Variants in DNAI3 observed in about 807,000 individuals in gnomAD.
DNAI3 encodes the protein WD repeat domain 63.
Under a neutral mutation model 115.5 loss-of-function variants are expected in DNAI3, and 83 were observed. That is an observed-to-expected ratio of 0.72 (90% CI 0.60 to 0.86). The LOEUF is 0.86. Ranked by LOEUF, DNAI3 falls within the 40% of genes least tolerant of loss-of-function variation. The probability of loss-of-function intolerance (pLI) is 0.00; values close to 1 mark genes in which losing one functional copy is unlikely to be tolerated. For synonymous variants in DNAI3, 320 were observed against 347.0 expected, an observed-to-expected ratio of 0.92 and a Z score of 0.86; for missense variants, 1,004 against 1,075.8, an observed-to-expected ratio of 0.93 and a Z score of 0.93.
chr1:85,108,350 GTTTTA>G (rs1167367065), intron 15 of DNAI3, among the ~76,000 whole-genome samples, 173 bp downstream of exon 15: 1 of 152,002 alleles, frequency 6.6e-6, no homozygotes, highest in Non-Finnish European at 1.5e-5. Flanking sequence ...AGGATTTTTA[GTTTTA>G]TTTTATTTTT....
intron 13 of DNAI3, among the ~76,000 whole-genome samples, chr1:85,103,888 AAATAAT>A (rs71075819): frequency 0.16 from 21,770 of 140,268 alleles, 1,819 homozygotes; most frequent in East Asian, 0.26. Context: ...TGCCTTCTCA[AAATAAT>A]AATAATAATA....
intron 19 of DNAI3, among the ~76,000 whole-genome samples, chr1:85,124,843 T>C (rs1557727468): frequency 6.6e-6 from 1 of 152,244 alleles, no homozygotes; most frequent in East Asian, 1.9e-4. Context: ...TGACTTGCAT[T>C]TTTCCTCCCT....
chr1:85,092,478 A>G lies in DNAI3; in HGVS notation c.858-980A>G, dbSNP rs550974608. Among the ~76,000 whole-genome samples the G allele has an allele frequency of 2.0e-5, 3 of 152,296 alleles. No individual in the cohort carries two copies. In the East Asian group the frequency reaches 5.8e-4, roughly 29 times the overall value. ...AACCAAGAAGTTTACAGTTTTGATC[A>G]GTAGGGTAAAACCTTGGGTGGCATT... is the stretch of plus-strand genomic sequence containing the variant. On this transcript the variant is annotated intron_variant, in intron 8 of 22. Coordinates refer to ENST00000294664, the MANE Select transcript of DNAI3 (RefSeq NM_145172.5).
intron 2 of DNAI3, 82 bp from the exon 3 acceptor site, chr1:85,072,972 A>AAAAAG (rs1553165209): frequency 9.9e-5 from 50 of 506,440 alleles, no homozygotes; most frequent in Admixed American, 1.3e-4. Context: ...AAAAAAAAAA[A>AAAAAG]AAGAAGAAAT....
In DNAI3 at chr1:85,070,099, A is replaced by G. The variant is rs183616782; in HGVS notation, c.-14-1829A>G. On this transcript the variant is annotated intron_variant, in intron 1 of 22. Coordinates refer to ENST00000294664, the MANE Select transcript of DNAI3 (RefSeq NM_145172.5). ...AATATGGTGAAGCCCCGTCTCTACT[A>G]AAAATACAAAAATTAGCCGGGCGTG... Among the ~76,000 whole-genome samples the G allele has an allele frequency of 2.2e-4, 33 of 152,168 alleles. No individual in the cohort carries two copies. The East Asian group carries it at 6.0e-3, about 28-fold the overall frequency.
Position 85,133,117 on chromosome 1 carries a change from C to T in DNAI3, c.*119C>T. On this transcript the variant is annotated 3_prime_UTR_variant, in exon 23 of 23. Coordinates refer to ENST00000294664, the MANE Select transcript of DNAI3 (RefSeq NM_145172.5). ...TCATTTATAGACTTTTATTTCCCTG[C>T]TATTAAAACTTTTGAATTTTAGCAA... The T allele has an allele frequency of 8.4e-7, 1 of 1,185,066 alleles. No homozygotes were observed. Among genetic ancestry groups the T allele is most frequent in the Non-Finnish European group, 1.1e-6 (1 of 898,146 alleles). 73.4% of individuals were successfully genotyped at this position (1,185,066 alleles called of 1,614,324 possible).
chr1:85,131,452 AAAAAAAAAAAAT>A (rs1207641124), intron 22 of DNAI3, among the ~76,000 whole-genome samples: 4 of 145,776 alleles, frequency 2.7e-5, no homozygotes, highest in African/African-American at 7.7e-5. Flanking sequence ...CTCAAAAAAA[AAAAAAAAAAAAT>A]AAAGCATTAG....
chr1:85,077,355 C>A (rs75389248), intron 3 of DNAI3, among the ~76,000 whole-genome samples: 1,676 of 152,230 alleles, frequency 0.011, 54 homozygotes, highest in East Asian at 0.094. Flanking sequence ...TCTAAAACTT[C>A]TAGAAGAAAA....
At position 85,126,582 on chromosome 1, in the gene DNAI3, C is replaced by G; in HGVS notation, c.2184C>G (p.Pro728=). The change falls in exon 20 of 23, where the codon CCC becomes CCG. Residue 728 remains proline, a synonymous_variant. Coordinates refer to ENST00000294664, the MANE Select transcript of DNAI3 (RefSeq NM_145172.5). ...YTSGHWSLTR[P]GVFYIGREDG... ...CAGGCCACTGGTCCCTGACTCGGCC[C>G]GGAGTTTTCTACATCGGCCGAGAAG... 6.2e-7 allele frequency: 1 copy of G among 1,614,106 alleles called. No homozygotes were observed. The highest frequency in any genetic ancestry group is 8.5e-7 in the Non-Finnish European group (1 of 1,179,990).
At chr1:85,072,903 T>C (rs904892230) in intron 2 of DNAI3, 151 bp from the exon 3 acceptor site, 37 of 348,026 alleles carry the variant, frequency 1.1e-4, no homozygotes, top group African/African-American at 3.8e-4. Context: ...TGCAGTGAGC[T>C]GAGATAGCGC....
At chr1:85,100,355 A>G (rs1194755769) in intron 13 of DNAI3, among the ~76,000 whole-genome samples, 1 of 152,238 alleles carries the variant, frequency 6.6e-6, no homozygotes, top group Admixed American at 6.5e-5. Context: ...TTATGCAGCC[A>G]AAAAACACAT....
At chr1:85,131,003 A>G (rs1399635248) in intron 22 of DNAI3, among the ~76,000 whole-genome samples, 9 of 152,168 alleles carry the variant, frequency 5.9e-5, no homozygotes, top group Admixed American at 5.9e-4. Context: ...AGATCACCTC[A>G]GTCTCAATTT....
At chr1:85,118,182 T>C (rs948491083) in intron 17 of DNAI3, among the ~76,000 whole-genome samples, 1 of 152,198 alleles carries the variant, frequency 6.6e-6, no homozygotes, top group Non-Finnish European at 1.5e-5. Flanking sequence ...TAAGAAACTA[T>C]AGTGTTTTGT....
intron 6 of DNAI3, among the ~76,000 whole-genome samples, chr1:85,085,321 G>A (rs1268350948): frequency 6.6e-6 from 1 of 152,178 alleles, no homozygotes; most frequent in Non-Finnish European, 1.5e-5. Flanking sequence ...AGCTAATATA[G>A]TGGCATTCCC....
intron 14 of DNAI3, among the ~76,000 whole-genome samples, chr1:85,107,593 G>A (rs535950304): frequency 7.9e-5 from 12 of 152,280 alleles, no homozygotes; most frequent in African/African-American, 2.9e-4. Context: ...GGGAAAAACT[G>A]CTAATAGGAA....
chr1:85,069,865 TGGA>T (rs1460480189), intron 1 of DNAI3, among the ~76,000 whole-genome samples: 1 of 152,194 alleles, frequency 6.6e-6, no homozygotes, highest in Admixed American at 6.5e-5. Context: ...GGAAGTGATA[TGGA>T]GGACATTTGA....
chr1:85,100,332 C>G lies in DNAI3; in HGVS notation c.1479+1674C>G, dbSNP rs558135923. Reference sequence around the variant, plus strand: ...ACGAAGGATATGAACAGACACTTCTCAAAAGAAGACATTTATGCAGCCAAA... The same window carrying G: ...ACGAAGGATATGAACAGACACTTCTGAAAAGAAGACATTTATGCAGCCAAA... On this transcript the variant is annotated intron_variant, in intron 13 of 22. Transcript: ENST00000294664. Among the ~76,000 whole-genome samples the G allele has an allele frequency of 4.6e-5, 7 of 152,292 alleles. No individual in the cohort carries two copies. In the South Asian group the frequency reaches 1.5e-3, roughly 32 times the overall value.
At chr1:85,071,598 C>G (rs4243775) in intron 1 of DNAI3, among the ~76,000 whole-genome samples, 124,894 of 152,228 alleles carry the variant, frequency 0.82, 52,015 homozygotes, top group South Asian at 0.9. Flanking sequence ...AGCTACCTGG[C>G]ATGGGAACTT....
rs1656071563 is a variant in DNAI3 at position 85,124,313 on chromosome 1, G to C, written c.2112+62G>C. 2.5e-6 allele frequency: 4 copies of C among 1,612,184 alleles called. No individual in the cohort carries two copies. In the Admixed American group the frequency reaches 5.0e-5, roughly 20 times the overall value. ...TCTTTTGTTATTCAGAAAGACAAGA[G>C]GAACTGTTATGTTCTGACATAATAG... On this transcript the variant is annotated intron_variant, in intron 19 of 22. Transcript: ENST00000294664.
Sources: gnomAD v4.1 joint callset for allele counts (sites outside exome capture counted in the v4.1 genomes callset) on GRCh38, gnomAD v4.1.1 for gene constraint, MANE v1.5 for transcripts, NCBI Gene and HGNC (gene_info 2026-07-23, HGNC 2026-07-21) for gene names.